RTL4: variants seen among roughly 807,000 people sequenced by gnomAD.
RTL4 encodes retrotransposon Gag like 4, also known as retrotransposon Gag-like protein 4.
In RTL4, 4 loss-of-function variants were observed where a neutral mutation model predicts 5.3. The observed-to-expected ratio is 0.75, with a 90% CI of 0.37 to 1.72. The LOEUF (loss-of-function observed/expected upper bound fraction) is 1.72. Ranked by LOEUF, RTL4 falls within the 40% of genes most tolerant of loss-of-function variation. RTL4 has a pLI of 0.04. For synonymous variants in RTL4, 98 were observed against 87.3 expected (o/e 1.12, Z -0.68); for missense variants, 260 against 227.1 (o/e 1.14, Z -0.93).
At chrX:112,309,291 T>A in the RTL4 span, among the ~76,000 whole-genome samples, 1 of 101,108 alleles carries the variant, frequency 9.9e-6, no homozygotes, top group Non-Finnish European at 1.9e-5. Flanking sequence ...GATAGACAAG[T>A]AAGCTGTCTG....
chrX:112,354,392 G>A, the RTL4 span, among the ~76,000 whole-genome samples: 1 of 111,283 alleles, frequency 9.0e-6, no homozygotes, highest in African/African-American at 3.3e-5. Context: ...AAGATTAAAT[G>A]GATTAATATT....
chrX:112,204,635 G>C, the RTL4 span, among the ~76,000 whole-genome samples: 2 of 111,475 alleles, frequency 1.8e-5, no homozygotes. Context: ...TGAACTCATG[G>C]ACATAGAGAG....
At chrX:112,330,714 A>G in the RTL4 span, among the ~76,000 whole-genome samples, 1 of 111,629 alleles carries the variant, frequency 9.0e-6, no homozygotes, top group Non-Finnish European at 1.9e-5. Context: ...TCTTAAGCCA[A>G]AAGAACAAAG....
the RTL4 span, among the ~76,000 whole-genome samples, chrX:112,225,167 T>G: frequency 8.9e-6 from 1 of 111,867 alleles, no homozygotes; most frequent in Non-Finnish European, 1.9e-5. Flanking sequence ...CTTGCCTGCT[T>G]GACTACTACA....
chrX:112,451,025 C>G (rs1219336601), upstream of RTL4, among the ~76,000 whole-genome samples: 1 of 111,013 alleles, frequency 9.0e-6, no homozygotes, highest in Non-Finnish European at 1.9e-5. Flanking sequence ...CATTTTTTTT[C>G]CCTACAGGAA....
At chrX:112,185,431 A>C in the RTL4 span, among the ~76,000 whole-genome samples, 3 of 104,217 alleles carry the variant, frequency 2.9e-5, no homozygotes, top group Non-Finnish European at 5.9e-5. Context: ...TAGTAGATAG[A>C]TAGATGATAG....
the RTL4 span, among the ~76,000 whole-genome samples, chrX:112,224,501 C>T: frequency 9.2e-6 from 1 of 109,124 alleles, no homozygotes; most frequent in South Asian, 4.0e-4. Context: ...GCCACCATGC[C>T]TGGCTAATTT....
the RTL4 span, among the ~76,000 whole-genome samples, chrX:112,106,051 G>A: frequency 9.0e-6 from 1 of 111,675 alleles, no homozygotes; most frequent in East Asian, 2.8e-4. Context: ...TGAAGCACAT[G>A]TCTTCTACTC....
At chrX:112,097,904 G>T in the RTL4 span, among the ~76,000 whole-genome samples, 1 of 111,046 alleles carries the variant, frequency 9.0e-6, no homozygotes, top group East Asian at 2.9e-4. Context: ...CTGGCTATTG[G>T]TCCTCTTTTT....
chrX:112,443,715 A>G, the RTL4 span, among the ~76,000 whole-genome samples: 312 of 111,723 alleles, frequency 2.8e-3, 1 homozygote, highest in African/African-American at 9.5e-3. Context: ...TCACATGTTT[A>G]TTTTTCATTT....
the RTL4 span, among the ~76,000 whole-genome samples, chrX:112,290,243 A>G: frequency 1.8e-5 from 2 of 112,344 alleles, no homozygotes; most frequent in Non-Finnish European, 3.8e-5. Context: ...ATTTGAAAGT[A>G]TTTATAAACC....
At chrX:112,346,183 T>C in the RTL4 span, among the ~76,000 whole-genome samples, 4 of 112,086 alleles carry the variant, frequency 3.6e-5, no homozygotes, top group African/African-American at 1.3e-4. Context: ...TGTATTTTTA[T>C]AATTTTAAAA....
upstream of RTL4, among the ~76,000 whole-genome samples, chrX:112,449,685 G>T (rs755921796): frequency 2.9e-4 from 32 of 111,778 alleles, no homozygotes; most frequent in Non-Finnish European, 2.3e-4. Flanking sequence ...GCTCTGAGTG[G>T]TCAGTCACCC....
At chrX:112,257,208 C>T in the RTL4 span, among the ~76,000 whole-genome samples, 1 of 110,742 alleles carries the variant, frequency 9.0e-6, no homozygotes, top group Non-Finnish European at 1.9e-5. Context: ...TTATCAAAAG[C>T]TTTTTTTACA....
At chrX:112,123,869 C>G in the RTL4 span, among the ~76,000 whole-genome samples, 1 of 111,077 alleles carries the variant, frequency 9.0e-6, no homozygotes, top group South Asian at 3.8e-4. Context: ...CTTCTCACAG[C>G]AAAAGAAACT....
the RTL4 span, among the ~76,000 whole-genome samples, chrX:112,359,173 G>A: frequency 9.0e-6 from 1 of 111,463 alleles, no homozygotes; most frequent in Non-Finnish European, 1.9e-5. Flanking sequence ...TACGTAGTAG[G>A]TGTATATATT....
At chrX:112,269,900 T>C in the RTL4 span, among the ~76,000 whole-genome samples, 15 of 112,368 alleles carry the variant, frequency 1.3e-4, no homozygotes, top group East Asian at 3.4e-3. Flanking sequence ...TAGCCACACA[T>C]TGCAGTAATG....
the RTL4 span, among the ~76,000 whole-genome samples, chrX:112,100,172 A>G: frequency 0.087 from 9,733 of 111,589 alleles, 716 homozygotes; most frequent in African/African-American, 0.24. Context: ...AAGTATAATG[A>G]AGATTGAAAA....
At chrX:112,089,718 A>AT in the RTL4 span, among the ~76,000 whole-genome samples, 6 of 111,565 alleles carry the variant, frequency 5.4e-5, no homozygotes. Context: ...GACTGTTAAG[A>AT]TTGTTTTGGC....
Sources: gnomAD v4.1 joint callset for allele counts (sites outside exome capture counted in the v4.1 genomes callset) on GRCh38, gnomAD v4.1.1 for gene constraint, MANE v1.5 for transcripts, NCBI Gene and HGNC (gene_info 2026-07-23, HGNC 2026-07-21) for gene names.